Variants in TOR1A observed in about 807,000 individuals in gnomAD.
TOR1A encodes torsin family 1 member A.
A neutral mutation model predicts 31.4 loss-of-function variants in TOR1A; 18 were observed. That is an observed-to-expected ratio of 0.57 (90% CI 0.40 to 0.85). The LOEUF is 0.85. TOR1A is among the 40% of genes least tolerant of loss of function. TOR1A has a pLI of 0.00. For synonymous variants in TOR1A, 168 were observed against 165.9 expected, an observed-to-expected ratio of 1.01 and a Z score of -0.10; for missense variants, 375 against 416.4, an observed-to-expected ratio of 0.90 and a Z score of 0.87.
chr9:129,818,397 C>G, intron 4 of TOR1A, 123 bp downstream of exon 4: 1 of 1,478,868 alleles, frequency 6.8e-7, no homozygotes, highest in Non-Finnish European at 9.4e-7. Context: ...CGGAAGGGGA[C>G]TGAGAATCTG....
rs1467399283 is a variant in TOR1A at position 129,822,942 on chromosome 9, C to G, written c.179-96G>C. ...AAGAAAGCCAGCAAAGCCGTCTAGA[C>G]GCCCTCCAAGCACCTTGCGAAACCT... On this transcript the variant is annotated intron_variant, in intron 1 of 4. Coordinates refer to ENST00000351698, the MANE Select transcript of TOR1A (RefSeq NM_000113.3). The G allele has an allele frequency of 9.5e-6, 15 of 1,572,354 alleles. No homozygotes were observed. The South Asian group carries it at 1.7e-4, about 18-fold the overall frequency.
intron 1 of TOR1A, 100 bp downstream of exon 1, chr9:129,823,808 C>T (rs928010309): frequency 2.1e-6 from 3 of 1,426,810 alleles, no homozygotes; most frequent in African/African-American, 1.4e-5. Context: ...CATCCCCCGG[C>T]CTCCATCCTC....
In TOR1A at chr9:129,814,033, ACTCT is replaced by A. The variant is rs80358234; in HGVS notation, c.934_937del (p.Arg312PhefsTer14). The A allele has an allele frequency of 6.2e-6, 10 of 1,611,212 alleles. No individual in the cohort carries two copies. Among genetic ancestry groups the A allele is most frequent in the Admixed American group, 1.7e-5 (1 of 59,710 alleles). ...CGTTTTGCAGCCTTTATCTGAGAAA[ACTCT>A]CTCCTCTTTGGGGAAAAATGTCATC... is the stretch of plus-strand genomic sequence containing the variant. On this transcript the variant is annotated frameshift_variant, in exon 5 of 5. Coordinates refer to ENST00000351698, the MANE Select transcript of TOR1A (RefSeq NM_000113.3). LOFTEE classifies it high-confidence loss of function.
At chr9:129,821,256 T>A (rs1473435091) in intron 2 of TOR1A, 1 of 152,030 alleles carries the variant, frequency 6.6e-6, no homozygotes, top group Non-Finnish European at 1.5e-5. Context: ...TGAGCCGAGA[T>A]CAAGATCCAG....
rs2030928995 is a variant in TOR1A at position 129,813,030 on chromosome 9, A to G, written c.*942T>C. The G allele has an allele frequency of 6.6e-6, 1 of 152,214 alleles. No individual in the cohort carries two copies. The highest frequency in any genetic ancestry group is 1.5e-5 in the Non-Finnish European group (1 of 68,044). 9.4% of individuals were successfully genotyped at this position (152,214 alleles called of 1,614,324 possible). ...CTCAGCATCCTCAGAAGGGGCAGCT[A>G]AGCTTTATAGGAGGTTTCGGGGATT... On this transcript the variant is annotated 3_prime_UTR_variant, in exon 5 of 5. Transcript: ENST00000351698.
At chr9:129,814,301 A>G (rs1374480787) in intron 4 of TOR1A, 79 bp from the exon 5 acceptor site, 29 of 1,602,774 alleles carry the variant, frequency 1.8e-5, no homozygotes, top group Non-Finnish European at 2.1e-5. Flanking sequence ...TCACTTACCT[A>G]CCCTCCCATC....
chr9:129,814,773 G>A (rs1484501983), intron 4 of TOR1A, among the ~76,000 whole-genome samples: 2 of 151,904 alleles, frequency 1.3e-5, no homozygotes, highest in South Asian at 2.1e-4. Context: ...AAGAATTCCC[G>A]GGAAGGACTA....
chr9:129,822,583 T>A lies in TOR1A; in HGVS notation c.442A>T (p.Lys148Ter). ...GGATTCCAAACTTCCATCCTTGCCT[T>A]GTACAAGGTGATGTTTGAAGCATGT... Reference protein sequence around the residue: ...FPHASNITLYKDQLQLWIRGN... With the variant: ...FPHASNITLY Residue 148 changes from lysine to a stop codon, truncating the protein, a stop_gained and splice_region_variant, in exon 2 of 5, where the codon AAG becomes TAG. Coordinates refer to ENST00000351698, the MANE Select transcript of TOR1A (RefSeq NM_000113.3). LOFTEE classifies it high-confidence loss of function. 1 of 1,614,146 alleles carries A rather than the reference T, an allele frequency of 6.2e-7. No individual in the cohort carries two copies. The highest frequency in any genetic ancestry group is 8.5e-7 in the Non-Finnish European group (1 of 1,180,020).
intron 2 of TOR1A, among the ~76,000 whole-genome samples, chr9:129,820,367 G>A (rs1050953222): frequency 8.6e-5 from 13 of 151,982 alleles, no homozygotes; most frequent in African/African-American, 2.2e-4. Flanking sequence ...TGATCCACCC[G>A]CTTCGGCCTC....
rs774660056 is a variant in TOR1A, at chr9:129,822,613, A to C, written c.412T>G (p.Phe138Val). The C allele has an allele frequency of 6.2e-7, 1 of 1,614,202 alleles. No homozygotes were observed. Among genetic ancestry groups the C allele is most frequent in the South Asian group, 1.1e-5 (1 of 91,084 alleles). Residue 138 changes from phenylalanine to valine, a missense_variant, in exon 2 of 5, where the codon TTT becomes GTT. By Grantham distance (50) the Phe-to-Val change is conservative. Coordinates refer to ENST00000351698, the MANE Select transcript of TOR1A (RefSeq NM_000113.3). ...YVHLFVATLHFPHASNITLYK... is the reference protein window; with the variant it reads ...YVHLFVATLHVPHASNITLYK... The stretch of plus-strand genomic sequence containing the variant: ...AAGGTGATGTTTGAAGCATGTGGAA[A>C]GTGCAATGTGGCCACAAACAGGTGG...
intron 2 of TOR1A, 137 bp from the exon 3 acceptor site, chr9:129,819,057 T>A: frequency 2.1e-6 from 2 of 974,178 alleles, no homozygotes; most frequent in East Asian, 5.2e-5. Context: ...GCCCAAAATC[T>A]TCTTTGTTCC....
At position 129,814,041 on chromosome 9, in the gene TOR1A, C is replaced by G. The variant is rs755468081; in HGVS notation, c.930G>C (p.Glu310Asp). The G allele has an allele frequency of 6.2e-7, 1 of 1,614,180 alleles. No homozygotes were observed. The highest frequency in any genetic ancestry group is 1.1e-5 in the South Asian group (1 of 91,080). Residue 310 changes from glutamate to aspartate, a missense_variant, in exon 5 of 5, where the codon GAG becomes GAC. Coordinates refer to ENST00000351698, the MANE Select transcript of TOR1A (RefSeq NM_000113.3). ...AGCCTTTATCTGAGAAAACTCTCTC[C>G]TCTTTGGGGAAAAATGTCATCTCCT... Reference protein sequence around the residue: ...VAEEMTFFPKEERVFSDKGCK... With the variant: ...VAEEMTFFPKDERVFSDKGCK...
In TOR1A at chr9:129,813,756, G is replaced by A. The variant is rs886063522; in HGVS notation, c.*216C>T. The A allele has an allele frequency of 6.2e-6, 4 of 642,770 alleles. No individual in the cohort carries two copies. The highest frequency in any genetic ancestry group is 1.1e-5 in the Non-Finnish European group (4 of 366,754). 39.8% of individuals were successfully genotyped at this position (642,770 alleles called of 1,614,324 possible). A position where few individuals can be genotyped will look rare whatever the true frequency, so the allele number is the denominator to read the frequency against. ...GGGAGCTGGCTCCTTCCTTCTGTGC[G>A]TGTTCGGGAGGCTTCACGTCCTCGC... On this transcript the variant is annotated 3_prime_UTR_variant, in exon 5 of 5. Transcript: ENST00000351698.
At position 129,814,047 on chromosome 9, in the gene TOR1A, G is replaced by A. The variant is rs2030967017; in HGVS notation, c.924C>T (p.Pro308=). 1.9e-6 allele frequency: 3 copies of A among 1,614,068 alleles called. No individual in the cohort carries two copies. The South Asian group carries it at 3.3e-5, about 18-fold the overall frequency. The change falls in exon 5 of 5, where the codon CCC becomes CCT. Residue 308 remains proline (P), a synonymous_variant. Transcript: ENST00000351698. ...TATCTGAGAAAACTCTCTCCTCTTT[G>A]GGGAAAAATGTCATCTCCTCAGCCA... is the stretch of plus-strand genomic sequence containing the variant. The part of the protein sequence containing the change: ...SRVAEEMTFF[P]KEERVFSDKG...
chr9:129,823,860 G>A (rs1229829352), intron 1 of TOR1A, 48 bp downstream of exon 1: 7 of 1,523,408 alleles, frequency 4.6e-6, no homozygotes, highest in Non-Finnish European at 6.2e-6. Flanking sequence ...TAGTGCCATC[G>A]CCCAGCCCCA....
chr9:129,818,245 G>A (rs1476244609), intron 4 of TOR1A: 2 of 468,330 alleles, frequency 4.3e-6, no homozygotes, highest in Non-Finnish European at 7.8e-6. Flanking sequence ...AGAGGTTGCA[G>A]TGAGGCAAGG....
At position 129,813,812 on chromosome 9, in the gene TOR1A, G is replaced by C; in HGVS notation, c.*160C>G. On this transcript the variant is annotated 3_prime_UTR_variant, in exon 5 of 5. Coordinates refer to ENST00000351698, the MANE Select transcript of TOR1A (RefSeq NM_000113.3). ...GTCCCTGGGTGGCCTGCAGGCACCA[G>C]GGGGTGGAAACAATGCCAGGGAGAA... 4 of 1,164,806 alleles carry C rather than the reference G, an allele frequency of 3.4e-6. No individual in the cohort carries two copies. The highest frequency in any genetic ancestry group is 4.9e-6 in the Non-Finnish European group (4 of 809,002). 72.2% of individuals were successfully genotyped at this position (1,164,806 alleles called of 1,614,324 possible). A position where few individuals can be genotyped will look rare whatever the true frequency, so the allele number is the denominator to read the frequency against.
In TOR1A at chr9:129,822,772, C is replaced by G; in HGVS notation, c.253G>C (p.Gly85Arg). Residue 85 changes from glycine (G) to arginine (R), a missense_variant, in exon 2 of 5, where the codon GGT (glycine) becomes CGT (arginine). Coordinates refer to ENST00000351698, the MANE Select transcript of TOR1A (RefSeq NM_000113.3). ...AKKIILNAVF[G>R]FINNPKPKKP... ...TTGGGCTTTGGGTTGTTTATGAAAC[C>G]AAACACGGCATTTAAGATGATTTTC... The G allele has an allele frequency of 6.2e-7, 1 of 1,614,110 alleles. No individual in the cohort carries two copies. The highest frequency in any genetic ancestry group is 1.3e-5 in the African/African-American group (1 of 75,004).
intron 1 of TOR1A, 65 bp downstream of exon 1, chr9:129,823,843 T>G (rs2031253661): frequency 1.3e-6 from 2 of 1,493,928 alleles, no homozygotes; most frequent in Non-Finnish European, 1.8e-6. Flanking sequence ...TGGTCCTAGT[T>G]CAGCCCTAGT....
Sources: gnomAD v4.1 joint callset for allele counts (sites outside exome capture counted in the v4.1 genomes callset) on GRCh38, gnomAD v4.1.1 for gene constraint, MANE v1.5 for transcripts, NCBI Gene and HGNC (gene_info 2026-07-23, HGNC 2026-07-21) for gene names.